Variants in GSTCD observed in about 807,000 individuals in gnomAD.
GSTCD encodes the protein glutathione S-transferase C-terminal domain containing.
GSTCD carries 44 observed loss-of-function variants against 68.3 expected under a neutral mutation model. The ratio of observed to expected loss-of-function variants is 0.64; its 90% CI spans 0.51 to 0.83. The LOEUF is 0.83. GSTCD is among the 40% of genes least tolerant of loss of function. The pLI is 0.00. For missense variants in GSTCD, 739 were observed against 735.9 expected, an observed-to-expected ratio of 1.00 and a Z score of -0.05; for synonymous variants, 273 against 255.2, an observed-to-expected ratio of 1.07 and a Z score of -0.67.
At chr4:105,752,426 G>A (rs996484319) in intron 5 of GSTCD, among the ~76,000 whole-genome samples, 9 of 151,916 alleles carry the variant, frequency 5.9e-5, no homozygotes, top group Non-Finnish European at 8.8e-5. Context: ...AGGTTTTAAT[G>A]GCCAATATCA....
At chr4:105,710,387 CT>C (rs70941210) in intron 1 of GSTCD, among the ~76,000 whole-genome samples, 235 of 123,680 alleles carry the variant, frequency 1.9e-3, no homozygotes, top group Non-Finnish European at 2.0e-3. Context: ...CACTCGGCTC[CT>C]TTTTTTTTTT....
chr4:105,738,009 C>G (rs1419790152), intron 5 of GSTCD, among the ~76,000 whole-genome samples: 2 of 152,200 alleles, frequency 1.3e-5, no homozygotes, highest in African/African-American at 2.4e-5. Flanking sequence ...CTCTTGCTCC[C>G]CCTTGCTATG....
chr4:105,743,059 C>T (rs896615635), intron 5 of GSTCD, among the ~76,000 whole-genome samples: 1 of 151,722 alleles, frequency 6.6e-6, no homozygotes, highest in Non-Finnish European at 1.5e-5. Flanking sequence ...ACGCCATTCT[C>T]CTGCCTCAGC....
intron 5 of GSTCD, among the ~76,000 whole-genome samples, chr4:105,765,981 C>T (rs1560818521): frequency 6.6e-6 from 1 of 152,206 alleles, no homozygotes; most frequent in Non-Finnish European, 1.5e-5. Flanking sequence ...TTGGACAGTT[C>T]TTTGTAGCAG....
chr4:105,815,348 A>G (rs146127497), intron 5 of GSTCD: 91 of 152,258 alleles, frequency 6.0e-4, no homozygotes, highest in African/African-American at 2.2e-3. Context: ...TCTGTATTAG[A>G]TAGATCAAAC....
intron 1 of GSTCD, among the ~76,000 whole-genome samples, chr4:105,714,229 G>C (rs1160928178): frequency 6.6e-6 from 1 of 152,126 alleles, no homozygotes; most frequent in Non-Finnish European, 1.5e-5. Context: ...GAAGTTTGTG[G>C]TTTTGTCTGC....
intron 5 of GSTCD, among the ~76,000 whole-genome samples, chr4:105,790,288 A>C (rs1426989198): frequency 6.6e-6 from 1 of 152,086 alleles, no homozygotes; most frequent in Non-Finnish European, 1.5e-5. Flanking sequence ...ATGCTTTACA[A>C]ATCCTTACAT....
Position 105,758,174 on chromosome 4 carries a change from C to G in GSTCD, c.1240+28675C>G, listed in dbSNP as rs183103254. ...AACAGATTTAATATATTTTGCTGAA[C>G]TAACTGCAGTTGAATATAAAGTTGC... On this transcript the variant is annotated intron_variant, in intron 5 of 11. Transcript: ENST00000515279. Among the ~76,000 whole-genome samples, 753 of 152,304 alleles carry G rather than the reference C, an allele frequency of 4.9e-3. 31 individuals are homozygous for G. The highest frequency in any genetic ancestry group is 0.047 in the Admixed American group (719 of 15,294).
chr4:105,771,414 T>C (rs1460318018), intron 5 of GSTCD, among the ~76,000 whole-genome samples: 1 of 152,132 alleles, frequency 6.6e-6, no homozygotes, highest in Non-Finnish European at 1.5e-5. Context: ...TTGCCATTGG[T>C]TTTGGTGTTT....
chr4:105,840,184 A>G (rs1362636980), intron 10 of GSTCD: 2 of 455,702 alleles, frequency 4.4e-6, no homozygotes, highest in African/African-American at 4.0e-5. Flanking sequence ...AGAGAACTGA[A>G]TCTTACCTGA....
At chr4:105,836,883 T>C (rs1271674192) in intron 9 of GSTCD, among the ~76,000 whole-genome samples, 1 of 152,200 alleles carries the variant, frequency 6.6e-6, no homozygotes, top group Non-Finnish European at 1.5e-5. Context: ...AATTTATAAA[T>C]AGCATACTGT....
intron 5 of GSTCD, among the ~76,000 whole-genome samples, chr4:105,740,155 G>T (rs1173653922): frequency 6.6e-6 from 1 of 151,972 alleles, no homozygotes; most frequent in Non-Finnish European, 1.5e-5. Context: ...AGCCACGTAG[G>T]CCCCAGGGTG....
At chr4:105,786,532 C>CAAAAAAAAAAAAAAAAAAAA (rs374244742) in intron 5 of GSTCD, among the ~76,000 whole-genome samples, 1 of 87,838 alleles carries the variant, frequency 1.1e-5, no homozygotes, top group African/African-American at 4.2e-5. Context: ...AAACACCATC[C>CAAAAAAAAAAAAAAAAAAAA]AAAAAAAAAA....
Position 105,845,546 on chromosome 4 carries a change from A to G in GSTCD, c.1871A>G (p.Lys624Arg). The G allele has an allele frequency of 6.2e-7, 1 of 1,614,098 alleles. No homozygotes were observed. Among genetic ancestry groups the G allele is most frequent in the Admixed American group, 1.7e-5 (1 of 60,018 alleles). Residue 624 changes from lysine to arginine, a missense_variant, in exon 12 of 12, where the codon AAA becomes AGA. Coordinates refer to ENST00000515279, the MANE Select transcript of GSTCD (RefSeq NM_001370181.1). Reference sequence around the variant, plus strand: ...ATGGAGCCAGAGAGCTGCTCTCCCAAAAATAACATGATTGTGGGAGTCCCC... The same window carrying G: ...ATGGAGCCAGAGAGCTGCTCTCCCAGAAATAACATGATTGTGGGAGTCCCC... ...ISMEPESCSP[K>R]NNMIVGVPI
At chr4:105,824,218 C>A (rs555205152) in intron 7 of GSTCD, among the ~76,000 whole-genome samples, 5 of 152,148 alleles carry the variant, frequency 3.3e-5, no homozygotes, top group African/African-American at 1.2e-4. Context: ...GAATAGCATT[C>A]TTTTATTTTT....
At chr4:105,793,651 G>A (rs530107332) in intron 5 of GSTCD, among the ~76,000 whole-genome samples, 1 of 151,952 alleles carries the variant, frequency 6.6e-6, no homozygotes, top group South Asian at 2.1e-4. Context: ...TCTTTATAGT[G>A]TGCAGTTTCT....
Position 105,798,081 on chromosome 4 carries a change from T to C in GSTCD, c.1241-24873T>C, listed in dbSNP as rs58329880. 5.3e-3 allele frequency among the ~76,000 whole-genome samples: 814 copies of C among 152,250 alleles called. 5 individuals are homozygous for C. The highest frequency in any genetic ancestry group is 0.018 in the African/African-American group (761 of 41,536). On this transcript the variant is annotated intron_variant, in intron 5 of 11. Coordinates refer to ENST00000515279, the MANE Select transcript of GSTCD (RefSeq NM_001370181.1). ...TAGTGTTCTAAGTCCTTTGTTGTCA[T>C]TTCAACAATATTTTCACAGCATCTT...
At chr4:105,780,607 G>A (rs538017640) in intron 5 of GSTCD, among the ~76,000 whole-genome samples, 2 of 152,290 alleles carry the variant, frequency 1.3e-5, no homozygotes, top group African/African-American at 4.8e-5. Context: ...GGAAAATGTT[G>A]TGCTGTTATC....
rs200858209 is a variant in GSTCD, at chr4:105,835,205, CTG to C, written c.1664+614_1664+615del. 2.4e-3 allele frequency among the ~76,000 whole-genome samples: 371 copies of C among 152,304 alleles called. 2 individuals carry two copies. The highest frequency in any genetic ancestry group is 8.7e-3 in the African/African-American group (360 of 41,564). On this transcript the variant is annotated intron_variant, in intron 9 of 11. Transcript: ENST00000515279. ...GGCGTCGCTTTGCCAGCTGGATCCT[CTG>C]TGGTTGGTGGAGCGTTTGCCTGAGT... is the stretch of plus-strand genomic sequence containing the variant.
Sources: allele counts gnomAD v4.1 joint callset (sites outside exome capture counted in the v4.1 genomes callset), GRCh38; gene constraint gnomAD v4.1.1; transcripts MANE v1.5; gene names NCBI Gene and HGNC (gene_info 2026-07-23, HGNC 2026-07-21).